SLC25A28: variants seen among roughly 807,000 people sequenced by gnomAD.
The protein encoded by SLC25A28 is solute carrier family 25 member 28.
SLC25A28 carries 10 observed loss-of-function variants against 31.9 expected under a neutral mutation model. That is an observed-to-expected ratio of 0.31 (90% confidence interval 0.19 to 0.53). SLC25A28 has a LOEUF of 0.53. SLC25A28 is among the 20% of genes least tolerant of loss of function. The pLI is 0.95. For synonymous variants in SLC25A28, 208 were observed against 203.6 expected, an observed-to-expected ratio of 1.02 and a Z score of -0.19; for missense variants, 256 against 490.3, an observed-to-expected ratio of 0.52 and a Z score of 4.51.
the SLC25A28 span, among the ~76,000 whole-genome samples, chr10:99,636,869 GAATTGGTACC>G: frequency 6.6e-6 from 1 of 152,140 alleles, no homozygotes; most frequent in Non-Finnish European, 1.5e-5. Context: ...ATTCAGAGAA[GAATTGGTACC>G]AATCCTTTTG....
At chr10:99,650,747 G>A in the SLC25A28 span, among the ~76,000 whole-genome samples, 25 of 152,018 alleles carry the variant, frequency 1.6e-4, no homozygotes, top group Non-Finnish European at 3.4e-4. Flanking sequence ...CAGTCTCAAC[G>A]GCAGCCCACA....
chr10:99,627,766 CAATTA>C, the SLC25A28 span, among the ~76,000 whole-genome samples: 1 of 152,088 alleles, frequency 6.6e-6, no homozygotes, highest in East Asian at 1.9e-4. Flanking sequence ...TTAAAATGTA[CAATTA>C]AGTTATTATT....
intron 2 of SLC25A28, 195 bp from the exon 3 acceptor site, chr10:99,612,794 G>A: frequency 1.6e-6 from 1 of 632,936 alleles, no homozygotes; most frequent in South Asian, 1.8e-5. Flanking sequence ...CACCAACTTT[G>A]TAAGGTCACT....
At chr10:99,650,795 C>T in the SLC25A28 span, among the ~76,000 whole-genome samples, 4 of 152,086 alleles carry the variant, frequency 2.6e-5, no homozygotes, top group Admixed American at 6.5e-5. Context: ...TGTGTGAGAG[C>T]ACTTGGTCTC....
At chr10:99,637,238 TC>T in the SLC25A28 span, among the ~76,000 whole-genome samples, 127,776 of 152,088 alleles carry the variant, frequency 0.84, 53,911 homozygotes, top group Middle Eastern at 0.92. Context: ...AAATCCAGCC[TC>T]CCTTTATGAT....
At chr10:99,643,430 C>T in the SLC25A28 span, among the ~76,000 whole-genome samples, 1 of 151,932 alleles carries the variant, frequency 6.6e-6, no homozygotes, top group African/African-American at 2.4e-5. Context: ...TATCATTTTT[C>T]ATCGCGTCTA....
At chr10:99,619,940 A>G (rs1291353860) in intron 1 of SLC25A28, 105 bp downstream of exon 1, 2 of 1,216,654 alleles carry the variant, frequency 1.6e-6, no homozygotes, top group Non-Finnish European at 2.2e-6. Context: ...GGAGCCAGGA[A>G]GGAACCCATG....
chr10:99,622,752 T>C, upstream of SLC25A28: 1 of 972,346 alleles, frequency 1.0e-6, no homozygotes, highest in Non-Finnish European at 1.2e-6. Context: ...TGGTCATCTT[T>C]AATACCTTAG....
the SLC25A28 span, among the ~76,000 whole-genome samples, chr10:99,642,864 A>G: frequency 4.6e-5 from 7 of 152,294 alleles, no homozygotes; most frequent in African/African-American, 1.7e-4. Flanking sequence ...ATGCTGGATT[A>G]TGTTTATTAA....
At chr10:99,641,916 A>T in the SLC25A28 span, among the ~76,000 whole-genome samples, 61 of 152,168 alleles carry the variant, frequency 4.0e-4, no homozygotes, top group African/African-American at 1.5e-3. Flanking sequence ...GTTCTGTTCC[A>T]TTAGTCTATA....
the SLC25A28 span, among the ~76,000 whole-genome samples, chr10:99,628,221 G>T: frequency 2.0e-5 from 3 of 152,122 alleles, no homozygotes; most frequent in East Asian, 3.8e-4. Flanking sequence ...GTAATAAAGG[G>T]CAATGATCCC....
chr10:99,623,826 TTG>T (rs1416050972), upstream of SLC25A28, among the ~76,000 whole-genome samples: 2 of 152,202 alleles, frequency 1.3e-5, no homozygotes, highest in East Asian at 3.8e-4. Flanking sequence ...AGTTCCCTAC[TTG>T]TTACCTGCTT....
chr10:99,643,574 G>T, the SLC25A28 span, among the ~76,000 whole-genome samples: 1 of 152,052 alleles, frequency 6.6e-6, no homozygotes, highest in African/African-American at 2.4e-5. Flanking sequence ...CTTCAGTTCT[G>T]CTCTGATCTT....
the SLC25A28 span, among the ~76,000 whole-genome samples, chr10:99,650,303 G>A: frequency 6.6e-6 from 1 of 152,126 alleles, no homozygotes; most frequent in East Asian, 1.9e-4. Flanking sequence ...TCAGCCTCCT[G>A]GGTAACTGGG....
intron 1 of SLC25A28, among the ~76,000 whole-genome samples, chr10:99,614,215 T>G (rs1450733090): frequency 6.6e-6 from 1 of 152,172 alleles, no homozygotes; most frequent in African/African-American, 2.4e-5. Context: ...GCAACAAATA[T>G]CAAGCCTGTG....
At chr10:99,627,963 C>T in the SLC25A28 span, among the ~76,000 whole-genome samples, 3 of 152,086 alleles carry the variant, frequency 2.0e-5, no homozygotes, top group African/African-American at 7.2e-5. Context: ...TTTGATCCCA[C>T]AAATAAGTGA....
At chr10:99,620,482 A>C, upstream of SLC25A28, 1 of 1,045,550 alleles carries the variant, frequency 9.6e-7, no homozygotes, top group South Asian at 4.4e-5. Flanking sequence ...ACGCCCCCCA[A>C]GCAACCATTG....
intron 1 of SLC25A28, among the ~76,000 whole-genome samples, 158 bp downstream of exon 1, chr10:99,619,887 C>A (rs1392905067): frequency 6.6e-6 from 1 of 152,212 alleles, no homozygotes. Flanking sequence ...CAGCTGGGAC[C>A]TTGCTTGAAT....
At chr10:99,637,341 G>A in the SLC25A28 span, among the ~76,000 whole-genome samples, 1 of 152,122 alleles carries the variant, frequency 6.6e-6, no homozygotes, top group African/African-American at 2.4e-5. Context: ...TATACTGAAT[G>A]GGGAAAAGTT....
Sources: allele counts gnomAD v4.1 joint callset (sites outside exome capture counted in the v4.1 genomes callset), GRCh38; gene constraint gnomAD v4.1.1; transcripts MANE v1.5; gene names NCBI Gene and HGNC (gene_info 2026-07-23, HGNC 2026-07-21).